The following TMPRSS2 variants were observed in gnomAD, a reference collection of about 807,000 sequenced individuals.
TMPRSS2 encodes the protein transmembrane protease serine 2.
In TMPRSS2, 59 loss-of-function variants were observed where a neutral mutation model predicts 67.4. The observed-to-expected ratio is 0.88, with a 90% CI of 0.71 to 1.09. The LOEUF is 1.09. Among genes scored for constraint, TMPRSS2 ranks in the 50% least tolerant of loss-of-function variants. The pLI is 0.00. For synonymous variants in TMPRSS2, 257 were observed against 257.0 expected (o/e 1.00, Z 0.00); for missense variants, 668 against 642.7 (o/e 1.04, Z -0.43).
chr21:41,468,879 A>C, intron 11 of TMPRSS2: 1 of 249,302 alleles, frequency 4.0e-6, no homozygotes, highest in Non-Finnish European at 7.9e-6. Context: ...TCCTCACTGA[A>C]CCCCACCCAG....
rs12627374 is a variant in TMPRSS2, at chr21:41,465,764, C to T, written c.*378G>A. The T allele has an allele frequency of 0.014, 4,024 of 288,854 alleles. 222 individuals carry two copies. Among genetic ancestry groups the T allele is most frequent in the East Asian group, 0.12 (2,309 of 18,794 alleles). 17.9% of individuals were successfully genotyped at this position (288,854 alleles called of 1,614,324 possible). A position where few individuals can be genotyped will look rare whatever the true frequency, so the allele number is the denominator to read the frequency against. On this transcript the variant is annotated 3_prime_UTR_variant, in exon 14 of 14. Coordinates refer to ENST00000332149, the MANE Select transcript of TMPRSS2 (RefSeq NM_005656.4). ...CACCTGGCTGTCTCCCTTTCCATGT[C>T]TCTCCTTTTTCATCTCAAGTCATCC... is the stretch of plus-strand genomic sequence containing the variant.
At chr21:41,469,439 C>T (rs1270389846) in intron 11 of TMPRSS2, among the ~76,000 whole-genome samples, 2 of 152,128 alleles carry the variant, frequency 1.3e-5, no homozygotes. Context: ...CCCCGGCTCA[C>T]GATCTCCCCA....
At chr21:41,467,101 A>G (rs1311163253) in intron 13 of TMPRSS2, among the ~76,000 whole-genome samples, 1 of 152,134 alleles carries the variant, frequency 6.6e-6, no homozygotes, top group Non-Finnish European at 1.5e-5. Context: ...CAAAAGTTTC[A>G]TGTGAGGCCG....
Position 41,471,969 on chromosome 21 carries a change from A to C in TMPRSS2, c.912T>G (p.Asn304Lys), listed in dbSNP as rs1347220628. Residue 304 changes from asparagine (N) to lysine (K), a missense_variant, in exon 10 of 14, where the codon AAT becomes AAG. Asn to Lys is a moderately conservative substitution (Grantham distance 94). Coordinates refer to ENST00000332149, the MANE Select transcript of TMPRSS2 (RefSeq NM_005656.4). Reference protein sequence around the residue: ...AAHCVEKPLNNPWHWTAFAGI... With the variant: ...AAHCVEKPLNKPWHWTAFAGI... ...CCGCAAATGCCGTCCAATGCCATGG[A>C]TTGTTAAGAGGTCTGGGAGAGAAGA... The C allele has an allele frequency of 1.2e-6, 2 of 1,609,002 alleles. No homozygotes were observed. Among genetic ancestry groups the C allele is most frequent in the East Asian group, 2.2e-5 (1 of 44,738 alleles).
chr21:41,497,998 A>C, intron 2 of TMPRSS2, 121 bp downstream of exon 2: 2 of 723,076 alleles, frequency 2.8e-6, no homozygotes, highest in South Asian at 3.6e-5. Flanking sequence ...GAACAGCATC[A>C]GCGTGGCCCG....
At chr21:41,471,466 G>A (rs1271088312) in intron 10 of TMPRSS2, among the ~76,000 whole-genome samples, 4 of 152,134 alleles carry the variant, frequency 2.6e-5, no homozygotes, top group South Asian at 2.1e-4. Flanking sequence ...GGCTGGGGAC[G>A]CTGTTAAACA....
chr21:41,496,511 A>T (rs912389140), intron 2 of TMPRSS2, among the ~76,000 whole-genome samples: 2 of 152,182 alleles, frequency 1.3e-5, no homozygotes, highest in African/African-American at 4.8e-5. Flanking sequence ...GGCCATACAT[A>T]AATGTGAAAG....
At chr21:41,488,794 C>CGCCT (rs1305307437) in intron 4 of TMPRSS2, among the ~76,000 whole-genome samples, 1 of 152,148 alleles carries the variant, frequency 6.6e-6, no homozygotes, top group Non-Finnish European at 1.5e-5. Context: ...CACGCCACCA[C>CGCCT]GCCTGACTAA....
In TMPRSS2 at chr21:41,471,843, A is replaced by C; in HGVS notation, c.1038T>G (p.Ile346Met). Residue 346 changes from isoleucine to methionine, a missense_variant, in exon 10 of 14, where the codon ATT becomes ATG. Coordinates refer to ENST00000332149, the MANE Select transcript of TMPRSS2 (RefSeq NM_005656.4). Reference protein sequence around the residue: ...NYDSKTKNNDIALMKLQKPLT... With the variant: ...NYDSKTKNNDMALMKLQKPLT... ...GAGGCTTCTGCAGCTTCATCAGCGC[A>C]ATGTCATTGTTCTTGGTCTTGGAGT... 2 of 1,612,464 alleles carry C rather than the reference A, an allele frequency of 1.2e-6. No individual in the cohort carries two copies. Among genetic ancestry groups the C allele is most frequent in the Non-Finnish European group, 1.7e-6 (2 of 1,178,948 alleles).
Position 41,488,518 on chromosome 21 carries a change from C to T in TMPRSS2, c.326-5G>A, listed in dbSNP as rs2146467341. The T allele has an allele frequency of 6.2e-7, 1 of 1,610,080 alleles. No homozygotes were observed. Among genetic ancestry groups the T allele is most frequent in the Non-Finnish European group, 8.5e-7 (1 of 1,177,518 alleles). ...AGTTGGAGCACTTGCTGCCCACTTGCAGAGAAAACAGAAGAGAGGTGCCCT... is the reference window on the plus strand; with the variant it reads ...AGTTGGAGCACTTGCTGCCCACTTGTAGAGAAAACAGAAGAGAGGTGCCCT... On this transcript the variant is annotated splice_region_variant and splice_polypyrimidine_tract_variant and intron_variant, in intron 4 of 13. Transcript: ENST00000332149.
intron 4 of TMPRSS2, 29 bp from the exon 5 acceptor site, chr21:41,488,542 C>T: frequency 6.3e-7 from 1 of 1,596,084 alleles, no homozygotes; most frequent in Non-Finnish European, 8.6e-7. Context: ...GAGAGGTGCC[C>T]TTCAGGCTGA....
At chr21:41,472,105 C>T in intron 9 of TMPRSS2, 124 bp from the exon 10 acceptor site, 1 of 942,236 alleles carries the variant, frequency 1.1e-6, no homozygotes, top group Non-Finnish European at 1.5e-6. Context: ...AAAAACCACA[C>T]AGGGAGATAG....
chr21:41,468,676 C>T, intron 11 of TMPRSS2, 138 bp from the exon 12 acceptor site: 2 of 919,976 alleles, frequency 2.2e-6, no homozygotes, highest in Admixed American at 5.5e-5. Flanking sequence ...CCGGTCAGCT[C>T]ATCCCAGCAC....
chr21:41,501,348 C>A (rs1601591649), intron 1 of TMPRSS2, among the ~76,000 whole-genome samples: 1 of 152,322 alleles, frequency 6.6e-6, no homozygotes, highest in African/African-American at 2.4e-5. Flanking sequence ...GCGGCTCCTG[C>A]CTATAATTCC....
chr21:41,476,710 T>C, intron 7 of TMPRSS2, 90 bp from the exon 8 acceptor site: 1 of 1,148,702 alleles, frequency 8.7e-7, no homozygotes. Flanking sequence ...CTTCCGATGT[T>C]CCCTCTCCTG....
In TMPRSS2 at chr21:41,494,535, T is replaced by C. The variant is rs890009362; in HGVS notation, c.59A>G (p.Tyr20Cys). The stretch of plus-strand genomic sequence containing the variant: ...TGCGGGATAGGGGTTTTCCGGTTGG[T>C]ATCCATGGTTTTCATAGTAAGGTCC... ...AIGPYYENHG[Y>C]QPENPYPAQP... The change falls in exon 3 of 14, where the codon TAC becomes TGC. Residue 20 changes from tyrosine (Y) to cysteine (C), a missense_variant. By Grantham distance (194) the Tyr-to-Cys change is radical (BLOSUM62 -2). Coordinates refer to ENST00000332149, the MANE Select transcript of TMPRSS2 (RefSeq NM_005656.4). 1.7e-5 allele frequency: 28 copies of C among 1,613,640 alleles called. No homozygotes were observed. In the Admixed American group the frequency reaches 3.0e-4, roughly 17 times the overall value.
intron 5 of TMPRSS2, among the ~76,000 whole-genome samples, chr21:41,482,089 A>G (rs535834505): frequency 2.0e-5 from 3 of 152,164 alleles, no homozygotes; most frequent in Admixed American, 6.5e-5. Context: ...TAATAAGATA[A>G]AAGGTTTTTT....
In TMPRSS2 at chr21:41,488,530, AAG is replaced by A; in HGVS notation, c.326-19_326-18del. ...TGCTGCCCACTTGCAGAGAAAACAG[AAG>A]AGAGGTGCCCTTCAGGCTGAGAAAC... On this transcript the variant is annotated intron_variant, in intron 4 of 13. Coordinates refer to ENST00000332149, the MANE Select transcript of TMPRSS2 (RefSeq NM_005656.4). 1 of 1,606,896 alleles carries A rather than the reference AAG, an allele frequency of 6.2e-7. No individual in the cohort carries two copies. Among genetic ancestry groups the A allele is most frequent in the Non-Finnish European group, 8.5e-7 (1 of 1,175,452 alleles).
At chr21:41,480,787 C>A (rs1460457500) in intron 5 of TMPRSS2, among the ~76,000 whole-genome samples, 185 bp from the exon 6 acceptor site, 1 of 152,124 alleles carries the variant, frequency 6.6e-6, no homozygotes, top group Non-Finnish European at 1.5e-5. Flanking sequence ...TACAGGCGTC[C>A]ACCACCCCGT....
Sources: gnomAD v4.1 joint callset for allele counts (sites outside exome capture counted in the v4.1 genomes callset) on GRCh38, gnomAD v4.1.1 for gene constraint, MANE v1.5 for transcripts, NCBI Gene and HGNC (gene_info 2026-07-23, HGNC 2026-07-21) for gene names.